The following SGCD variants were observed in gnomAD, a reference collection of about 807,000 sequenced individuals.
The protein encoded by SGCD is delta-sarcoglycan.
Under a neutral mutation model 36.6 loss-of-function variants are expected in SGCD, and 18 were observed. That is an observed-to-expected ratio of 0.49 (90% CI 0.34 to 0.73). The LOEUF (loss-of-function observed/expected upper bound fraction) is 0.73. Among genes scored for constraint, SGCD ranks in the 30% least tolerant of loss-of-function variants. The pLI is 0.01. For missense variants in SGCD, 387 were observed against 346.7 expected, an observed-to-expected ratio of 1.12 and a Z score of -0.92; for synonymous variants, 133 against 130.6, an observed-to-expected ratio of 1.02 and a Z score of -0.12.
chr5:156,530,044 T>C (rs1324979511), intron 4 of SGCD, among the ~76,000 whole-genome samples: 1 of 152,202 alleles, frequency 6.6e-6, no homozygotes, highest in African/African-American at 2.4e-5. Context: ...ACCACCATGT[T>C]GAAAGAATGA....
the SGCD span, among the ~76,000 whole-genome samples, chr5:155,832,164 G>A: frequency 0.015 from 2,219 of 152,190 alleles, 69 homozygotes; most frequent in African/African-American, 0.05. Context: ...TTTGAGTTCC[G>A]CAAATGAAAG....
At chr5:156,738,705 C>A (rs144991271) in intron 7 of SGCD, 269 of 152,304 alleles carry the variant, frequency 1.8e-3, no homozygotes, top group African/African-American at 5.9e-3. Flanking sequence ...GAGTTAGGAA[C>A]AAAAGAAATC....
intron 1 of SGCD, among the ~76,000 whole-genome samples, chr5:156,093,045 G>T (rs1761284879): frequency 6.6e-6 from 1 of 152,184 alleles, no homozygotes; most frequent in Non-Finnish European, 1.5e-5. Context: ...GAGATTTAAG[G>T]GAGCCTCCAG....
At chr5:155,954,719 A>G (rs1014057286) in intron 1 of SGCD, among the ~76,000 whole-genome samples, 1 of 152,140 alleles carries the variant, frequency 6.6e-6, no homozygotes, top group Admixed American at 6.6e-5. Flanking sequence ...AAGAGAACTA[A>G]CAGGATATGC....
intron 6 of SGCD, among the ~76,000 whole-genome samples, chr5:156,644,325 T>G (rs1763149480): frequency 6.6e-6 from 1 of 152,178 alleles, no homozygotes; most frequent in Admixed American, 6.5e-5. Flanking sequence ...CACAGCAATT[T>G]TAACATGTAT....
intron 3 of SGCD, among the ~76,000 whole-genome samples, chr5:156,439,188 G>A (rs890714949): frequency 6.6e-6 from 1 of 152,134 alleles, no homozygotes; most frequent in Non-Finnish European, 1.5e-5. Flanking sequence ...CAGCAACCCA[G>A]TGAAGGAGGT....
intron 3 of SGCD, among the ~76,000 whole-genome samples, chr5:156,481,069 C>T (rs1755403575): frequency 6.6e-6 from 1 of 152,110 alleles, no homozygotes; most frequent in South Asian, 2.1e-4. Flanking sequence ...TCTGACAAAT[C>T]AAGAGCACAG....
At chr5:156,420,661 G>A (rs1025837930) in intron 3 of SGCD, among the ~76,000 whole-genome samples, 44 of 152,068 alleles carry the variant, frequency 2.9e-4, no homozygotes, top group African/African-American at 9.7e-4. Context: ...GGTTTTTGCT[G>A]AGATAAGATA....
At chr5:155,872,709 CAAGGG>C (rs745388903) in intron 1 of SGCD, among the ~76,000 whole-genome samples, 19 of 151,936 alleles carry the variant, frequency 1.3e-4, no homozygotes, top group Non-Finnish European at 2.5e-4. Context: ...GATGCTGTAC[CAAGGG>C]AATTAACTGA....
Position 156,375,395 on chromosome 5 carries a change from C to CT in SGCD, c.192+30740dup, listed in dbSNP as rs60179274. ...GTTGCCCCAGTAATATCCTTCACAG[C>CT]TTTTTTTTTTTTTTTTTTTTTTAAA... On this transcript the variant is annotated intron_variant, in intron 3 of 8. Transcript: ENST00000337851. 4.5e-3 allele frequency among the ~76,000 whole-genome samples: 493 copies of CT among 110,694 alleles called. 3 individuals are homozygous for CT. The highest frequency in any genetic ancestry group is 8.9e-3 in the South Asian group (25 of 2,806). 72.6% of individuals were successfully genotyped at this position (110,694 alleles called of 152,430 possible).
At chr5:156,241,927 G>A (rs531748719) in intron 3 of SGCD, among the ~76,000 whole-genome samples, 1 of 152,256 alleles carries the variant, frequency 6.6e-6, no homozygotes, top group African/African-American at 2.4e-5. Context: ...GGAGAGATGG[G>A]CTAAATGGAG....
chr5:156,040,822 A>T (rs1337872148), intron 1 of SGCD, among the ~76,000 whole-genome samples: 2 of 152,080 alleles, frequency 1.3e-5, no homozygotes, highest in African/African-American at 4.8e-5. Flanking sequence ...GGCTTTGAAA[A>T]TCCTCTACTG....
intron 7 of SGCD, among the ~76,000 whole-genome samples, chr5:156,657,821 G>T (rs1763755392): frequency 7.3e-6 from 1 of 137,276 alleles, no homozygotes; most frequent in African/African-American, 2.8e-5. Flanking sequence ...AGGGGACCCG[G>T]GGAACCAGCG....
chr5:156,527,309 G>A (rs78874806), intron 4 of SGCD, among the ~76,000 whole-genome samples: 5,308 of 152,240 alleles, frequency 0.035, 159 homozygotes, highest in East Asian at 0.17. Context: ...ATAATTGGAG[G>A]CAAAGATGAG....
intron 3 of SGCD, among the ~76,000 whole-genome samples, chr5:156,321,337 G>A (rs1278759761): frequency 6.6e-6 from 1 of 152,124 alleles, no homozygotes; most frequent in Non-Finnish European, 1.5e-5. Flanking sequence ...AGAGAATGGT[G>A]TGAACCCGAG....
Position 156,237,390 on chromosome 5 carries a change from C to T in SGCD, c.-43-92144C>T, listed in dbSNP as rs111932720. ...CTGTAATCTCAGCACTTTGGGAGGC[C>T]GAGGCAGGCAAATCACCTGAGGTTG... is the stretch of plus-strand genomic sequence containing the variant. On this transcript the variant is annotated intron_variant, in intron 3 of 9. Coordinates refer to the SGCD transcript ENST00000517913. 3.2e-3 allele frequency among the ~76,000 whole-genome samples: 487 copies of T among 151,928 alleles called. 3 individuals are homozygous for T. Among genetic ancestry groups the T allele is most frequent in the African/African-American group, 0.011 (457 of 41,412 alleles).
intron 3 of SGCD, among the ~76,000 whole-genome samples, chr5:156,373,940 A>C (rs753638180): frequency 4.6e-5 from 7 of 152,204 alleles, no homozygotes; most frequent in Non-Finnish European, 8.8e-5. Context: ...AATAGAAACA[A>C]AGACCTTAGA....
intron 3 of SGCD, among the ~76,000 whole-genome samples, chr5:156,175,749 A>G (rs1350770645): frequency 6.6e-6 from 1 of 152,236 alleles, no homozygotes; most frequent in Non-Finnish European, 1.5e-5. Context: ...TTAGAAAGAC[A>G]TGCTGTTATT....
At chr5:156,184,667 G>A (rs937334292) in intron 3 of SGCD, among the ~76,000 whole-genome samples, 2 of 152,158 alleles carry the variant, frequency 1.3e-5, no homozygotes, top group East Asian at 1.9e-4. Flanking sequence ...GAATATCAGT[G>A]GTTCCAAAGG....
Sources: gnomAD v4.1 joint callset for allele counts (sites outside exome capture counted in the v4.1 genomes callset) on GRCh38, gnomAD v4.1.1 for gene constraint, MANE v1.5 for transcripts, NCBI Gene and HGNC (gene_info 2026-07-23, HGNC 2026-07-21) for gene names.